ATRNL1: variants seen among roughly 807,000 people sequenced by gnomAD.
ATRNL1 encodes attractin-like protein 1.
A neutral mutation model predicts 182.7 loss-of-function variants in ATRNL1; 95 were observed. That is an observed-to-expected ratio of 0.52 (90% CI 0.44 to 0.62). The LOEUF (loss-of-function observed/expected upper bound fraction) is 0.62. ATRNL1 is among the 20% of genes least tolerant of loss of function. The pLI, the probability that ATRNL1 is intolerant of heterozygous loss-of-function variation, is 0.00. For synonymous variants in ATRNL1, 576 were observed against 568.3 expected (o/e 1.01, Z -0.19); for missense variants, 1,471 against 1,679.5 (o/e 0.88, Z 2.17).
At chr10:115,603,256 A>G (rs1856707940) in intron 26 of ATRNL1, among the ~76,000 whole-genome samples, 1 of 152,198 alleles carries the variant, frequency 6.6e-6, no homozygotes, top group Non-Finnish European at 1.5e-5. Context: ...CTTTCTCATG[A>G]CCAGCCCTCC....
chr10:115,570,921 A>G (rs1248925968), intron 26 of ATRNL1, among the ~76,000 whole-genome samples: 1 of 152,148 alleles, frequency 6.6e-6, no homozygotes, highest in African/African-American at 2.4e-5. Context: ...AGTTGATTTC[A>G]GACATCCCGA....
intron 26 of ATRNL1, among the ~76,000 whole-genome samples, chr10:115,592,396 TTAGTGTATGA>T: frequency 6.6e-6 from 1 of 152,306 alleles, no homozygotes; most frequent in East Asian, 1.9e-4. Flanking sequence ...TTTTATCCAT[TTAGTGTATGA>T]TTCAGCAGCT....
At chr10:115,868,819 A>ATTTT (rs1555105343) in intron 28 of ATRNL1, among the ~76,000 whole-genome samples, 1 of 98,286 alleles carries the variant, frequency 1.0e-5, no homozygotes, top group African/African-American at 3.6e-5. Context: ...GCAAGTCTTT[A>ATTTT]TTCTTTTTTT....
chr10:115,592,340 A>T (rs1555012526), intron 26 of ATRNL1, among the ~76,000 whole-genome samples: 1 of 152,102 alleles, frequency 6.6e-6, no homozygotes, highest in Non-Finnish European at 1.5e-5. Context: ...CAAACAAGAG[A>T]TCGCCAGTGA....
intron 26 of ATRNL1, among the ~76,000 whole-genome samples, chr10:115,655,001 C>T (rs1555035399): frequency 6.6e-6 from 1 of 152,068 alleles, no homozygotes; most frequent in Non-Finnish European, 1.5e-5. Flanking sequence ...TCTGTCTTCC[C>T]TGAGTGAGGA....
intron 8 of ATRNL1, among the ~76,000 whole-genome samples, chr10:115,182,893 C>T (rs782517719): frequency 9.3e-5 from 14 of 151,090 alleles, no homozygotes; most frequent in Non-Finnish European, 1.5e-4. Context: ...TGTCAATACA[C>T]GATAGGATAA....
chr10:115,763,461 C>G (rs931963317), intron 27 of ATRNL1, among the ~76,000 whole-genome samples: 2 of 152,064 alleles, frequency 1.3e-5, no homozygotes, highest in Admixed American at 6.6e-5. Context: ...TGAGCAGGAT[C>G]TTGAAAAAGA....
intron 26 of ATRNL1, among the ~76,000 whole-genome samples, chr10:115,702,835 T>TG: frequency 3.3e-5 from 5 of 151,918 alleles, no homozygotes; most frequent in Admixed American, 3.3e-4. Flanking sequence ...GAAGAATCAA[T>TG]ATCTACTGCC....
intron 8 of ATRNL1, among the ~76,000 whole-genome samples, chr10:115,186,959 TA>T (rs566656248): frequency 6.6e-6 from 1 of 151,874 alleles, no homozygotes. Flanking sequence ...AAATTAAAAA[TA>T]AAAAAATTTA....
At chr10:115,558,065 C>CA (rs113014620) in intron 26 of ATRNL1, among the ~76,000 whole-genome samples, 80,917 of 144,548 alleles carry the variant, frequency 0.56, 23,356 homozygotes, top group Non-Finnish European at 0.67. Context: ...AACAAAAAAA[C>CA]AAAAAAAAAA....
chr10:115,616,433 A>C (rs782511047), intron 26 of ATRNL1, among the ~76,000 whole-genome samples: 1 of 152,156 alleles, frequency 6.6e-6, no homozygotes, highest in Non-Finnish European at 1.5e-5. Flanking sequence ...AGAAAAACCA[A>C]TTTTTGGGCA....
chr10:115,330,117 A>T (rs903841839), intron 18 of ATRNL1, among the ~76,000 whole-genome samples: 1 of 152,102 alleles, frequency 6.6e-6, no homozygotes, highest in Non-Finnish European at 1.5e-5. Context: ...TTTTGAATTG[A>T]TAAGTTAATT....
At chr10:115,845,327 A>T (rs1555098427) in intron 27 of ATRNL1, among the ~76,000 whole-genome samples, 1 of 151,992 alleles carries the variant, frequency 6.6e-6, no homozygotes, top group East Asian at 1.9e-4. Context: ...TGAAAGAGTA[A>T]TTTTTTAAAG....
intron 26 of ATRNL1, among the ~76,000 whole-genome samples, chr10:115,696,606 G>A (rs781945260): frequency 1.3e-5 from 2 of 152,118 alleles, no homozygotes; most frequent in Non-Finnish European, 2.9e-5. Flanking sequence ...CACAATGGTT[G>A]AACTATTTTA....
At chr10:115,162,528 A>G (rs1554883507) in intron 6 of ATRNL1, among the ~76,000 whole-genome samples, 1 of 151,930 alleles carries the variant, frequency 6.6e-6, no homozygotes, top group Admixed American at 6.6e-5. Context: ...CAGATCATGT[A>G]GGATGTTGTA....
At chr10:115,897,718 A>T (rs1952244011) in intron 28 of ATRNL1, among the ~76,000 whole-genome samples, 1 of 152,176 alleles carries the variant, frequency 6.6e-6, no homozygotes, top group Non-Finnish European at 1.5e-5. Context: ...TTGAAAATCG[A>T]AATTTGAGAA....
intron 26 of ATRNL1, among the ~76,000 whole-genome samples, chr10:115,646,844 G>C (rs1859647821): frequency 6.6e-6 from 1 of 151,678 alleles, no homozygotes. Flanking sequence ...TGCACAACAT[G>C]CAGGTTTGTC....
chr10:115,123,337 A>G (rs1479439580), intron 3 of ATRNL1, among the ~76,000 whole-genome samples: 1 of 152,176 alleles, frequency 6.6e-6, no homozygotes, highest in Non-Finnish European at 1.5e-5. Flanking sequence ...TACAGTTGAG[A>G]AAATTGACAT....
intron 25 of ATRNL1, among the ~76,000 whole-genome samples, chr10:115,519,618 T>C (rs1278223740): frequency 1.3e-5 from 2 of 152,154 alleles, no homozygotes; most frequent in African/African-American, 2.4e-5. Flanking sequence ...ATTAATGAAA[T>C]TAACAATGCA....
Sources: gnomAD v4.1 joint callset for allele counts (sites outside exome capture counted in the v4.1 genomes callset) on GRCh38, gnomAD v4.1.1 for gene constraint, MANE v1.5 for transcripts, NCBI Gene and HGNC (gene_info 2026-07-23, HGNC 2026-07-21) for gene names.